Variants in KCNH8 observed in about 807,000 individuals in gnomAD.
The protein encoded by KCNH8 is voltage-gated delayed rectifier potassium channel KCNH8.
Under a neutral mutation model 103.6 loss-of-function variants are expected in KCNH8, and 70 were observed. The observed-to-expected ratio is 0.68, with a 90% confidence interval of 0.56 to 0.82. The LOEUF (loss-of-function observed/expected upper bound fraction) is 0.82. Among genes scored for constraint, KCNH8 ranks in the 40% least tolerant of loss-of-function variants. The pLI, the probability that KCNH8 is intolerant of heterozygous loss-of-function variation, is 0.00. For synonymous variants in KCNH8, 498 were observed against 489.4 expected (o/e 1.02, Z -0.23); for missense variants, 1,217 against 1,329.9 (o/e 0.92, Z 1.32).
In KCNH8 at chr3:19,254,050, C is replaced by T. The variant is rs118113944; in HGVS notation, c.310+163C>T. ...GACTTGGATGATAGCCTTGTTTTAACCATAAGCAGCATAAACTGCCTAGAA... is the reference window on the plus strand; with the variant it reads ...GACTTGGATGATAGCCTTGTTTTAATCATAAGCAGCATAAACTGCCTAGAA... On this transcript the variant is annotated intron_variant, in intron 2 of 15. Coordinates refer to ENST00000328405, the MANE Select transcript of KCNH8 (RefSeq NM_144633.3). Among the ~76,000 whole-genome samples the T allele has an allele frequency of 1.1e-3, 167 of 151,940 alleles. No individual in the cohort carries two copies. The East Asian group carries it at 0.028, about 26-fold the overall frequency.
chr3:19,210,340 A>C (rs1035757896), intron 1 of KCNH8, among the ~76,000 whole-genome samples: 3 of 152,052 alleles, frequency 2.0e-5, no homozygotes, highest in African/African-American at 7.2e-5. Context: ...ACCCAAATGC[A>C]TAAAATGAAA....
At chr3:19,177,364 A>G (rs2063410600) in intron 1 of KCNH8, among the ~76,000 whole-genome samples, 1 of 152,082 alleles carries the variant, frequency 6.6e-6, no homozygotes, top group Admixed American at 6.6e-5. Context: ...TGAGTAGCCA[A>G]ATTCACAAAT....
intron 3 of KCNH8, among the ~76,000 whole-genome samples, chr3:19,319,789 C>T (rs1454380549): frequency 6.6e-6 from 1 of 151,980 alleles, no homozygotes; most frequent in African/African-American, 2.4e-5. Context: ...TGATTCTACC[C>T]ATTCATGAGC....
rs1441209393 is a variant in KCNH8, at chr3:19,347,917, C to T, written c.763C>T (p.Arg255Trp). 6.2e-7 allele frequency: 1 copy of T among 1,613,176 alleles called. No homozygotes were observed. The highest frequency in any genetic ancestry group is 8.5e-7 in the Non-Finnish European group (1 of 1,179,394). The change falls in exon 5 of 16, where the codon CGG (arginine) becomes TGG (tryptophan). Residue 255 changes from arginine (R) to tryptophan (W), a missense_variant. This residue lies in a region of KCNH8 where 415 missense variants were observed against 577.4 expected (regional missense o/e 0.72). Transcript: ENST00000328405. ...FIGNDDLSTT[R>W]STTVSDIAVE... is the part of the protein sequence containing the mutation. ...TGGCAATGACGACCTGTCCACAACT[C>T]GGAGCACAACCGTCAGTGACATTGC...
At chr3:19,370,034 T>G (rs2125115184) in intron 5 of KCNH8, among the ~76,000 whole-genome samples, 1 of 152,222 alleles carries the variant, frequency 6.6e-6, no homozygotes, top group South Asian at 2.1e-4. Context: ...CTTCCATCAC[T>G]TGCTACTCTT....
At chr3:19,239,764 C>A (rs930372109) in intron 1 of KCNH8, among the ~76,000 whole-genome samples, 1 of 151,978 alleles carries the variant, frequency 6.6e-6, no homozygotes, top group Non-Finnish European at 1.5e-5. Context: ...AGTTAGATAA[C>A]TAAATCATGC....
intron 1 of KCNH8, among the ~76,000 whole-genome samples, chr3:19,219,261 A>G (rs2063847737): frequency 6.6e-6 from 1 of 152,010 alleles, no homozygotes; most frequent in Admixed American, 6.6e-5. Context: ...GCCTACCCAG[A>G]TCACCCTATT....
intron 15 of KCNH8, among the ~76,000 whole-genome samples, chr3:19,525,991 CTTTT>C (rs1382442692): frequency 1.3e-5 from 2 of 151,884 alleles, no homozygotes; most frequent in African/African-American, 2.4e-5. Context: ...TGCCAATCGT[CTTTT>C]TTGTTTTGCC....
chr3:19,497,174 G>T (rs181895233), intron 11 of KCNH8, among the ~76,000 whole-genome samples: 2 of 150,136 alleles, frequency 1.3e-5, no homozygotes, highest in Non-Finnish European at 3.0e-5. Context: ...ATGGTCTGTC[G>T]TATTAATTTT....
At chr3:19,319,996 G>A (rs1199743260) in intron 3 of KCNH8, among the ~76,000 whole-genome samples, 2 of 151,878 alleles carry the variant, frequency 1.3e-5, no homozygotes. Flanking sequence ...ACTGATTTGT[G>A]TACATTAATT....
chr3:19,176,664 A>C (rs1257698737), intron 1 of KCNH8, among the ~76,000 whole-genome samples: 1 of 152,160 alleles, frequency 6.6e-6, no homozygotes, highest in Non-Finnish European at 1.5e-5. Context: ...TGAAAAAAGT[A>C]GCTTTTCTGA....
chr3:19,456,203 A>G (rs1365071220), intron 10 of KCNH8, among the ~76,000 whole-genome samples: 1 of 152,046 alleles, frequency 6.6e-6, no homozygotes, highest in Non-Finnish European at 1.5e-5. Context: ...TACTAACTTG[A>G]AGATAATACC....
At chr3:19,421,641 C>CA (rs2066952899) in intron 7 of KCNH8, among the ~76,000 whole-genome samples, 1 of 151,544 alleles carries the variant, frequency 6.6e-6, no homozygotes, top group Non-Finnish European at 1.5e-5. Context: ...ATACACTGAG[C>CA]TTTTTTTTAG....
intron 1 of KCNH8, among the ~76,000 whole-genome samples, chr3:19,244,414 G>A (rs563890626): frequency 8.5e-5 from 13 of 152,240 alleles, no homozygotes; most frequent in South Asian, 2.1e-4. Context: ...ATGAGTGCAC[G>A]TGTTTTTGTT....
chr3:19,148,936 G>A (rs1455356481), intron 1 of KCNH8, 141 bp downstream of exon 1: 7 of 773,384 alleles, frequency 9.1e-6, no homozygotes, highest in African/African-American at 1.7e-5. Flanking sequence ...TTTGTGCGGA[G>A]AAATTTGTTC....
intron 2 of KCNH8, among the ~76,000 whole-genome samples, chr3:19,256,082 A>G (rs924764363): frequency 3.3e-5 from 5 of 152,132 alleles, no homozygotes; most frequent in African/African-American, 1.2e-4. Context: ...TGGGTCAGTA[A>G]TTCTTGTGGT....
At chr3:19,233,993 A>G (rs1387831184) in intron 1 of KCNH8, among the ~76,000 whole-genome samples, 1 of 152,158 alleles carries the variant, frequency 6.6e-6, no homozygotes, top group African/African-American at 2.4e-5. Context: ...TTTATTGCAA[A>G]GAGCAAAAGA....
rs565367297 is a variant in KCNH8 at position 19,525,413 on chromosome 3, T to G, written c.2619+7339T>G. ...ATACACATTAAAGTTTGACAAGCACTGTTCTATACAACCAGTATTCTGAGA... is the reference window on the plus strand; with the variant it reads ...ATACACATTAAAGTTTGACAAGCACGGTTCTATACAACCAGTATTCTGAGA... On this transcript the variant is annotated intron_variant, in intron 15 of 15. Transcript: ENST00000328405. Among the ~76,000 whole-genome samples the G allele has an allele frequency of 1.8e-4, 27 of 151,982 alleles. No individual in the cohort carries two copies. In the East Asian group the frequency reaches 4.9e-3, roughly 27 times the overall value.
intron 11 of KCNH8, among the ~76,000 whole-genome samples, chr3:19,500,304 C>A (rs773013267): frequency 2.6e-5 from 4 of 152,130 alleles, no homozygotes; most frequent in African/African-American, 7.2e-5. Context: ...GAGTGACCTA[C>A]AAAGAGACTT....
Sources: gnomAD v4.1 joint callset for allele counts (sites outside exome capture counted in the v4.1 genomes callset) on GRCh38, gnomAD v4.1.1 for gene constraint, gnomAD v4.1.1 regional missense constraint, MANE v1.5 for transcripts, NCBI Gene and HGNC (gene_info 2026-07-23, HGNC 2026-07-21) for gene names.